The following MRC2 variants were observed in gnomAD, a reference collection of about 807,000 sequenced individuals.
MRC2 encodes the protein mannose receptor C-type 2, also known as C-type mannose receptor 2.
MRC2 carries 84 observed loss-of-function variants against 206.2 expected under a neutral mutation model. The observed-to-expected ratio is 0.41, with a 90% CI of 0.34 to 0.49. The LOEUF (loss-of-function observed/expected upper bound fraction) is 0.49, where lower values mean the gene tolerates loss of function less well. MRC2 is among the 20% of genes least tolerant of loss of function. The probability of loss-of-function intolerance (pLI) is 0.31; values close to 1 mark genes in which losing one functional copy is unlikely to be tolerated. For missense variants in MRC2, 1,676 were observed against 2,001.5 expected, an observed-to-expected ratio of 0.84 and a Z score of 3.10; for synonymous variants, 798 against 800.0, an observed-to-expected ratio of 1.00 and a Z score of 0.04.
At chr17:62,659,764 A>G (rs992665661) in intron 1 of MRC2, among the ~76,000 whole-genome samples, 2 of 152,176 alleles carry the variant, frequency 1.3e-5, no homozygotes, top group Non-Finnish European at 2.9e-5. Context: ...CCCAACCTAC[A>G]TTCCCATGGT....
Position 62,680,244 on chromosome 17 carries a change from C to T in MRC2, c.2373C>T (p.Ala791=). ...DIRGCAVLDL[A]SLQWVAMQCD... ...GAGGCTGTGCGGTGCTGGACCTGGC[C>T]TCCCTGCAGTGGGTGGCCATGCAGT... The change falls in exon 15 of 30, where the codon GCC becomes GCT. Residue 791 remains alanine, a synonymous_variant. Transcript: ENST00000303375. This position sits in a 1 kb window ranked among gnomAD's most constrained non-coding sequence, Gnocchi z 4.8. 1.2e-6 allele frequency: 2 copies of T among 1,614,120 alleles called. No individual in the cohort carries two copies. The highest frequency in any genetic ancestry group is 1.7e-6 in the Non-Finnish European group (2 of 1,179,998).
chr17:62,691,146 C>G lies in MRC2; in HGVS notation c.4192+18C>G. 6.3e-7 allele frequency: 1 copy of G among 1,583,618 alleles called. No individual in the cohort carries two copies. ...TCCTCGTGGTGAGCGCCGGGCAGGCCCACGCTCAGCCTCCTTCCACCCCGT... is the reference window on the plus strand; with the variant it reads ...TCCTCGTGGTGAGCGCCGGGCAGGCGCACGCTCAGCCTCCTTCCACCCCGT... On this transcript the variant is annotated intron_variant, in intron 28 of 29. Coordinates refer to ENST00000303375, the MANE Select transcript of MRC2 (RefSeq NM_006039.5).
Position 62,675,714 on chromosome 17 carries a change from C to T in MRC2, c.1570-76C>T, listed in dbSNP as rs375730207. 81 of 1,179,012 alleles carry T rather than the reference C, an allele frequency of 6.9e-5. No individual in the cohort carries two copies. Among genetic ancestry groups the T allele is most frequent in the Non-Finnish European group, 9.0e-5 (71 of 791,044 alleles). The allele number at this position is 1,179,012 out of a possible 1,614,324, so 73.0% of individuals were successfully genotyped here. A position where few individuals can be genotyped will look rare whatever the true frequency, so the allele number is the denominator to read the frequency against. ...CAGTGATGTCCCTGATGGCATCTCC[C>T]ACCACAGGATTTATGGGTGAGGGTG... On this transcript the variant is annotated intron_variant, in intron 9 of 29. Transcript: ENST00000303375. The surrounding 1 kb of genome is among the most constrained non-coding windows in gnomAD (Gnocchi z 4.1).
intron 1 of MRC2, among the ~76,000 whole-genome samples, chr17:62,640,005 C>T (rs2088378851): frequency 6.7e-6 from 1 of 149,416 alleles, no homozygotes; most frequent in African/African-American, 2.5e-5. Context: ...AGGCACCTGC[C>T]ACCATGCCCA....
intron 23 of MRC2, 66 bp downstream of exon 23, chr17:62,689,026 A>T: frequency 6.2e-6 from 8 of 1,292,832 alleles, no homozygotes; most frequent in Non-Finnish European, 7.8e-6. Context: ...TGCTGGGACC[A>T]TGCCAGGAGG....
chr17:62,677,056 T>C (rs554737886), intron 11 of MRC2, among the ~76,000 whole-genome samples: 1 of 152,382 alleles, frequency 6.6e-6, no homozygotes, highest in Admixed American at 6.5e-5. Flanking sequence ...GTTAAGCAGC[T>C]TGCCTGAGCC....
chr17:62,658,159 G>A (rs989825590), intron 1 of MRC2, among the ~76,000 whole-genome samples: 1 of 152,172 alleles, frequency 6.6e-6, no homozygotes, highest in Non-Finnish European at 1.5e-5. Flanking sequence ...TCTGCCCAGC[G>A]GAGTCTCTCG....
rs533502347 is a variant in MRC2 at position 62,665,164 on chromosome 17, C to A, written c.520+215C>A. Reference sequence around the variant, plus strand: ...CCTGTAATCCCAGCACTTTGGGAGGCCAAGGTGGGTGGATCACTTGAGGTC... The same window carrying A: ...CCTGTAATCCCAGCACTTTGGGAGGACAAGGTGGGTGGATCACTTGAGGTC... On this transcript the variant is annotated intron_variant, in intron 2 of 29. Coordinates refer to ENST00000303375, the MANE Select transcript of MRC2 (RefSeq NM_006039.5). Among the ~76,000 whole-genome samples the A allele has an allele frequency of 1.2e-4, 19 of 152,236 alleles. No homozygotes were observed. The East Asian group carries it at 3.3e-3, about 26-fold the overall frequency.
chr17:62,650,864 T>A (rs2088547811), intron 1 of MRC2, among the ~76,000 whole-genome samples: 1 of 152,110 alleles, frequency 6.6e-6, no homozygotes, highest in Non-Finnish European at 1.5e-5. Flanking sequence ...TTGTCGGTAT[T>A]GACGTAAATG....
intron 1 of MRC2, among the ~76,000 whole-genome samples, chr17:62,660,104 A>G (rs1377466278): frequency 1.3e-5 from 2 of 152,214 alleles, no homozygotes; most frequent in Non-Finnish European, 2.9e-5. Flanking sequence ...GGAAAATTAT[A>G]AAATATGGTG....
At chr17:62,689,036 G>A in intron 23 of MRC2, 76 bp downstream of exon 23, 4 of 1,202,676 alleles carry the variant, frequency 3.3e-6, no homozygotes, top group Non-Finnish European at 4.9e-6. Flanking sequence ...ATGCCAGGAG[G>A]AAGGAATCAT....
In MRC2 at chr17:62,682,223, C is replaced by A; in HGVS notation, c.2804-12C>A. On this transcript the variant is annotated splice_polypyrimidine_tract_variant and intron_variant, in intron 19 of 29. Transcript: ENST00000303375. Reference sequence around the variant, plus strand: ...CCCTGGGGGTGACTGCCCTCCCCTCCCCTTTCCGCAGAGGACTGGGGGGAC... The same window carrying A: ...CCCTGGGGGTGACTGCCCTCCCCTCACCTTTCCGCAGAGGACTGGGGGGAC... 6.4e-7 allele frequency: 1 copy of A among 1,566,004 alleles called. No individual in the cohort carries two copies. Among genetic ancestry groups the A allele is most frequent in the Non-Finnish European group, 8.7e-7 (1 of 1,154,646 alleles).
chr17:62,682,266 C>G lies in MRC2; in HGVS notation c.2835C>G (p.Ala945=). 6.2e-7 allele frequency: 1 copy of G among 1,602,164 alleles called. No homozygotes were observed. The highest frequency in any genetic ancestry group is 8.5e-7 in the Non-Finnish European group (1 of 1,173,980). Residue 945 remains alanine (A), a synonymous_variant, in exon 20 of 30, where the codon GCC becomes GCG. Transcript: ENST00000303375. The part of the protein sequence containing the change: ...EDWGDQRCLT[A]LPYICKRSNV... Reference sequence around the variant, plus strand: ...GGGGGGACCAGAGGTGCCTGACAGCCTTGCCCTACATCTGCAAGCGCAGCA... The same window carrying G: ...GGGGGGACCAGAGGTGCCTGACAGCGTTGCCCTACATCTGCAAGCGCAGCA...
rs527767014 is a variant in MRC2, at chr17:62,657,725, T to C, written c.119-6823T>C. ...CTGAGCTCCCTCTGCCCGCTTTGTA[T>C]GTGCTTGATGAAGCACGGGTACAAA... On this transcript the variant is annotated intron_variant, in intron 1 of 29. Coordinates refer to ENST00000303375, the MANE Select transcript of MRC2 (RefSeq NM_006039.5). 1.9e-3 allele frequency among the ~76,000 whole-genome samples: 295 copies of C among 152,314 alleles called. 2 individuals carry two copies. Among genetic ancestry groups the C allele is most frequent in the Non-Finnish European group, 3.5e-3 (241 of 68,026 alleles).
At chr17:62,638,412 C>A (rs1300925306) in intron 1 of MRC2, among the ~76,000 whole-genome samples, 3 of 152,004 alleles carry the variant, frequency 2.0e-5, no homozygotes, top group Non-Finnish European at 2.9e-5. Context: ...CCAGAAAAAA[C>A]ACACTAATAG....
chr17:62,655,521 A>G (rs192945842), intron 1 of MRC2, among the ~76,000 whole-genome samples: 1,994 of 152,096 alleles, frequency 0.013, 36 homozygotes, highest in African/African-American at 0.045. Flanking sequence ...CAGCCTGGGC[A>G]ACAGAGCGAG....
At chr17:62,634,911 A>G (rs1568047234) in intron 1 of MRC2, among the ~76,000 whole-genome samples, 1 of 150,914 alleles carries the variant, frequency 6.6e-6, no homozygotes, top group Non-Finnish European at 1.5e-5. Flanking sequence ...GCTCACCACA[A>G]CTTCCACCTT....
Position 62,627,880 on chromosome 17 carries a change from C to A in MRC2, c.78C>A (p.His26Gln). The A allele has an allele frequency of 6.8e-7, 1 of 1,473,524 alleles. No homozygotes were observed. The highest frequency in any genetic ancestry group is 8.9e-7 in the Non-Finnish European group (1 of 1,119,052). 91.3% of individuals were successfully genotyped at this position (1,473,524 alleles called of 1,614,324 possible). ...GCGTCCTGCTCCTCGGGTGCCTGCA[C>A]CTCGGCCGTCCCGGCGCCCCTGGGG... Reference protein sequence around the residue: ...LRCVLLLGCLHLGRPGAPGDA... With the variant: ...LRCVLLLGCLQLGRPGAPGDA... The change falls in exon 1 of 30, where the codon CAC (histidine) becomes CAA (glutamine). Residue 26 changes from histidine to glutamine, a missense_variant. Around this residue, in one of 3 missense-constraint regions of MRC2, gnomAD observed 318 missense variants for 346.7 expected, o/e 0.92. Coordinates refer to ENST00000303375, the MANE Select transcript of MRC2 (RefSeq NM_006039.5).
In MRC2 at chr17:62,689,922, AG is replaced by A; in HGVS notation, c.3604del (p.Glu1202SerfsTer3). Reference sequence around the variant, plus strand: ...TCTCGGCGGTACTCCTGGGTCTCAGAGGAGCCGCTGAACTACGTGGGCTGGC... The same window carrying A: ...TCTCGGCGGTACTCCTGGGTCTCAGAGAGCCGCTGAACTACGTGGGCTGGC... ...EGSRRYSWVS[E>X]EPLNYVGWQD... On this transcript the variant is annotated frameshift_variant, in exon 25 of 30. Transcript: ENST00000303375. LOFTEE classifies it high-confidence loss of function. 6.2e-7 allele frequency: 1 copy of A among 1,604,934 alleles called. No homozygotes were observed. The highest frequency in any genetic ancestry group is 8.5e-7 in the Non-Finnish European group (1 of 1,176,848).
Sources: gnomAD v4.1 joint callset for allele counts (sites outside exome capture counted in the v4.1 genomes callset) on GRCh38, gnomAD v4.1.1 for gene constraint, gnomAD v4.1.1 regional missense constraint, Gnocchi (gnomAD v3.1) non-coding constraint, MANE v1.5 for transcripts, NCBI Gene and HGNC (gene_info 2026-07-23, HGNC 2026-07-21) for gene names.